Variants in FBXL17 observed in about 807,000 individuals in gnomAD.
The protein encoded by FBXL17 is F-box/LRR-repeat protein 17.
Under a neutral mutation model 66.2 loss-of-function variants are expected in FBXL17, and 22 were observed. The ratio of observed to expected loss-of-function variants is 0.33; its 90% CI spans 0.24 to 0.47. The LOEUF is 0.47. FBXL17 is among the 20% of genes least tolerant of loss of function. FBXL17 has a pLI of 1.00. For synonymous variants in FBXL17, 474 were observed against 400.5 expected (o/e 1.18, Z -2.19); for missense variants, 878 against 948.2 (o/e 0.93, Z 0.97).
chr5:108,004,593 G>A (rs987534054), intron 7 of FBXL17, among the ~76,000 whole-genome samples: 9 of 152,162 alleles, frequency 5.9e-5, no homozygotes, highest in Admixed American at 1.3e-4. Context: ...TAAGCAATGG[G>A]AGGGAAAGTA....
At chr5:108,325,767 G>C (rs1294090758) in intron 4 of FBXL17, among the ~76,000 whole-genome samples, 1 of 152,088 alleles carries the variant, frequency 6.6e-6, no homozygotes, top group East Asian at 1.9e-4. Flanking sequence ...AAACATAAAA[G>C]CGTTAGGATT....
At chr5:108,021,965 C>A (rs1754621404) in intron 6 of FBXL17, among the ~76,000 whole-genome samples, 1 of 151,766 alleles carries the variant, frequency 6.6e-6, no homozygotes, top group African/African-American at 2.4e-5. Flanking sequence ...ACTCAGTATC[C>A]ATCTCTGTCT....
At chr5:108,320,126 T>C (rs1243728976) in intron 4 of FBXL17, among the ~76,000 whole-genome samples, 1 of 151,848 alleles carries the variant, frequency 6.6e-6, no homozygotes, top group African/African-American at 2.4e-5. Context: ...AAAATTATCA[T>C]GTTTTCCTTT....
chr5:107,960,416 T>C (rs1751851794), intron 7 of FBXL17, among the ~76,000 whole-genome samples: 1 of 152,130 alleles, frequency 6.6e-6, no homozygotes, highest in South Asian at 2.1e-4. Flanking sequence ...ATATTCCTTC[T>C]CTCTAACTGG....
At chr5:108,056,658 A>T (rs906835937) in intron 6 of FBXL17, among the ~76,000 whole-genome samples, 1 of 152,244 alleles carries the variant, frequency 6.6e-6, no homozygotes, top group Non-Finnish European at 1.5e-5. Flanking sequence ...GAAACAATAT[A>T]GAAGTTCATA....
chr5:108,370,611 C>T (rs575247084), intron 1 of FBXL17, among the ~76,000 whole-genome samples: 7 of 152,122 alleles, frequency 4.6e-5, no homozygotes, highest in East Asian at 3.9e-4. Context: ...GACATGGTGG[C>T]GCATGCCTGT....
chr5:108,145,403 C>T (rs917577865), intron 6 of FBXL17, among the ~76,000 whole-genome samples: 4 of 152,184 alleles, frequency 2.6e-5, no homozygotes, highest in African/African-American at 9.6e-5. Flanking sequence ...TCAGACAGAA[C>T]TCTAAAGTTC....
chr5:107,900,809 G>A (rs1005271779), intron 7 of FBXL17, among the ~76,000 whole-genome samples: 8 of 151,926 alleles, frequency 5.3e-5, no homozygotes, highest in African/African-American at 1.9e-4. Context: ...TTTTTAAAGC[G>A]AACCCTATAA....
Position 108,381,046 on chromosome 5 carries a change from C to CGCA in FBXL17, c.643_645dup (p.Cys215dup). ...CCGCCGCCGCCGCAGCCCCCGCCGCCGCAGCGGGGCTGCTTGCAGGGGGTG... is the reference window on the plus strand; with the variant it reads ...CCGCCGCCGCCGCAGCCCCCGCCGCCGCAGCAGCGGGGCTGCTTGCAGGGGGTG... On this transcript the variant is annotated inframe_insertion, in exon 1 of 9. Coordinates refer to ENST00000542267, the MANE Select transcript of FBXL17 (RefSeq NM_001163315.3). 6 of 1,208,514 alleles carry CGCA rather than the reference C, an allele frequency of 5.0e-6. No homozygotes were observed. Among genetic ancestry groups the CGCA allele is most frequent in the Non-Finnish European group, 6.2e-6 (6 of 973,570 alleles). The allele number at this position is 1,208,514 out of a possible 1,614,324, so 74.9% of individuals were successfully genotyped here. A position where few individuals can be genotyped will look rare whatever the true frequency, so the allele number is the denominator to read the frequency against.
chr5:108,078,254 T>C (rs1210116895), intron 6 of FBXL17, among the ~76,000 whole-genome samples: 3 of 152,186 alleles, frequency 2.0e-5, no homozygotes, highest in Admixed American at 6.5e-5. Context: ...TATGAGATGA[T>C]ATACTTAAAT....
chr5:107,902,746 T>C (rs1749611028), intron 7 of FBXL17, among the ~76,000 whole-genome samples: 2 of 152,272 alleles, frequency 1.3e-5, no homozygotes, highest in Admixed American at 6.5e-5. Context: ...GTTCTTATTA[T>C]GGAAATTTAA....
chr5:108,378,222 T>TA (rs36057058), intron 1 of FBXL17, among the ~76,000 whole-genome samples: 4,340 of 142,830 alleles, frequency 0.03, 96 homozygotes, highest in African/African-American at 0.063. Flanking sequence ...TCCTCTGCCA[T>TA]AAAAAAAAAA....
At chr5:108,000,515 T>C (rs182371324) in intron 7 of FBXL17, among the ~76,000 whole-genome samples, 270 of 152,336 alleles carry the variant, frequency 1.8e-3, no homozygotes, top group Non-Finnish European at 2.7e-3. Flanking sequence ...AATAACAATA[T>C]TTTACAAATG....
At chr5:108,232,097 TTA>T (rs779768041) in intron 4 of FBXL17, among the ~76,000 whole-genome samples, 2 of 152,232 alleles carry the variant, frequency 1.3e-5, no homozygotes, top group African/African-American at 2.4e-5. Context: ...ACTGTAACTG[TTA>T]TGAGTATTTC....
chr5:108,183,108 T>C (rs1580571034), intron 6 of FBXL17, among the ~76,000 whole-genome samples: 1 of 151,232 alleles, frequency 6.6e-6, no homozygotes, highest in East Asian at 2.0e-4. Context: ...TGGTGTGATC[T>C]TGGCTCACTG....
intron 4 of FBXL17, among the ~76,000 whole-genome samples, chr5:108,240,634 G>A (rs1453366977): frequency 6.6e-6 from 1 of 152,138 alleles, no homozygotes; most frequent in East Asian, 1.9e-4. Flanking sequence ...TGGGGAACTT[G>A]CCACCCTGAA....
intron 4 of FBXL17, among the ~76,000 whole-genome samples, chr5:108,290,839 A>G (rs949012795): frequency 6.6e-6 from 1 of 152,186 alleles, no homozygotes. Context: ...AATTGATGGC[A>G]TATTAAGCAA....
chr5:108,339,773 C>A (rs1746754558), intron 4 of FBXL17, among the ~76,000 whole-genome samples: 1 of 152,058 alleles, frequency 6.6e-6, no homozygotes, highest in South Asian at 2.1e-4. Flanking sequence ...TTAACCATAA[C>A]AAATTCTGCA....
chr5:108,311,808 T>C (rs1759133001), intron 4 of FBXL17, among the ~76,000 whole-genome samples: 1 of 152,170 alleles, frequency 6.6e-6, no homozygotes, highest in African/African-American at 2.4e-5. Flanking sequence ...GAATGCATAA[T>C]AACAAACGGC....
Sources: allele counts gnomAD v4.1 joint callset (sites outside exome capture counted in the v4.1 genomes callset), GRCh38; gene constraint gnomAD v4.1.1; transcripts MANE v1.5; gene names NCBI Gene and HGNC (gene_info 2026-07-23, HGNC 2026-07-21).